Variants in CASC3 observed in about 807,000 individuals in gnomAD.
The protein encoded by CASC3 is CASC3 exon junction complex subunit, also known as protein CASC3.
A neutral mutation model predicts 80.5 loss-of-function variants in CASC3; 30 were observed. The ratio of observed to expected loss-of-function variants is 0.37; its 90% confidence interval spans 0.28 to 0.51. CASC3 has a LOEUF of 0.51. Among genes scored for constraint, CASC3 ranks in the 20% least tolerant of loss-of-function variants. The probability of loss-of-function intolerance (pLI) is 0.94; values close to 1 mark genes in which losing one functional copy is unlikely to be tolerated. For synonymous variants in CASC3, 312 were observed against 333.6 expected, an observed-to-expected ratio of 0.94 and a Z score of 0.70; for missense variants, 824 against 922.2, an observed-to-expected ratio of 0.89 and a Z score of 1.38.
chr17:40,163,002 C>A, intron 6 of CASC3, 101 bp downstream of exon 6: 1 of 1,000,990 alleles, frequency 1.0e-6, no homozygotes, highest in Non-Finnish European at 1.5e-6. Context: ...AGGAGGATTG[C>A]TTGAGGCCAG....
chr17:40,160,643 G>C (rs555158704), intron 3 of CASC3, among the ~76,000 whole-genome samples: 1 of 151,388 alleles, frequency 6.6e-6, no homozygotes, highest in Non-Finnish European at 1.5e-5. Flanking sequence ...TTGTTTTTTT[G>C]TTTTGCTTTT....
Position 40,163,642 on chromosome 17 carries a change from C to A in CASC3, c.947C>A (p.Ser316Tyr), listed in dbSNP as rs1410184439. The change falls in exon 7 of 14, where the codon TCT (serine) becomes TAT (tyrosine). Residue 316 changes from serine (S) to tyrosine (Y), a missense_variant. Coordinates refer to ENST00000264645, the MANE Select transcript of CASC3 (RefSeq NM_007359.5). Reference protein sequence around the residue: ...RMSAPRNYSRSGGFKEGRAGF... With the variant: ...RMSAPRNYSRYGGFKEGRAGF... ...TCTGCACCCAGGAATTATTCTCGAT[C>A]TGGGGGCTTCAAGGAAGGTCGTGCT... 1.6e-5 allele frequency: 26 copies of A among 1,614,038 alleles called. No homozygotes were observed. Among genetic ancestry groups the A allele is most frequent in the Non-Finnish European group, 1.8e-5 (21 of 1,180,026 alleles).
chr17:40,157,373 A>G (rs1989178520), intron 3 of CASC3, among the ~76,000 whole-genome samples: 1 of 149,454 alleles, frequency 6.7e-6, no homozygotes, highest in African/African-American at 2.5e-5. Context: ...AAATAAATTA[A>G]TTAATTAATT....
Position 40,170,978 on chromosome 17 carries a change from T to C in CASC3, c.*573T>C. On this transcript the variant is annotated 3_prime_UTR_variant, in exon 14 of 14. Transcript: ENST00000264645. ...ATAATGGAGAATGTATCAGCCAGCC[T>C]TCCCCACCAAGTCTAAAAAGACCTG... The C allele has an allele frequency of 1.0e-6, 1 of 985,532 alleles. No homozygotes were observed. Among genetic ancestry groups the C allele is most frequent in the Non-Finnish European group, 1.2e-6 (1 of 829,926 alleles). 61.0% of individuals were successfully genotyped at this position (985,532 alleles called of 1,614,324 possible).
chr17:40,140,784 G>C lies in CASC3; in HGVS notation c.231+5G>C. On this transcript the variant is annotated splice_donor_5th_base_variant and intron_variant, in intron 1 of 13. Coordinates refer to ENST00000264645, the MANE Select transcript of CASC3 (RefSeq NM_007359.5). The stretch of plus-strand genomic sequence containing the variant: ...AGTGCTGAGGAGTCGGAGTGTGTGA[G>C]TGCGCGCAGGCGGGGCGGGGTGGGG... 6.9e-7 allele frequency: 1 copy of C among 1,449,692 alleles called. No individual in the cohort carries two copies. Among genetic ancestry groups the C allele is most frequent in the Non-Finnish European group, 9.1e-7 (1 of 1,103,608 alleles). 89.8% of individuals were successfully genotyped at this position (1,449,692 alleles called of 1,614,324 possible).
At chr17:40,154,701 G>C (rs1278413656) in intron 3 of CASC3, among the ~76,000 whole-genome samples, 1 of 152,134 alleles carries the variant, frequency 6.6e-6, no homozygotes, top group Admixed American at 6.6e-5. Context: ...ATGAAGCCTG[G>C]TTTATGTTTT....
rs1988688592 is a variant in CASC3, at chr17:40,140,753, G to A, written c.205G>A (p.Ala69Thr). The change falls in exon 1 of 14, where the codon GCC becomes ACC. Residue 69 changes from alanine (A) to threonine (T), a missense_variant. This residue lies in a region of CASC3 where 159 missense variants were observed against 122.2 expected (regional missense o/e 1.30). Transcript: ENST00000264645. ...LHLRRVESGG[A>T]KSAEESECES... ...TCTGCGGCGGGTGGAGAGCGGGGGC[G>A]CCAAGAGTGCTGAGGAGTCGGAGTG... is the stretch of plus-strand genomic sequence containing the variant. 1 of 1,283,322 alleles carries A rather than the reference G, an allele frequency of 7.8e-7. No homozygotes were observed. Among genetic ancestry groups the A allele is most frequent in the African/African-American group, 1.6e-5 (1 of 63,406 alleles). The allele number at this position is 1,283,322 out of a possible 1,614,324, so 79.5% of individuals were successfully genotyped here.
intron 3 of CASC3, among the ~76,000 whole-genome samples, chr17:40,151,774 T>A (rs575496008): frequency 2.8e-4 from 43 of 152,132 alleles, no homozygotes; most frequent in African/African-American, 1.0e-3. Flanking sequence ...GCAAATCTAC[T>A]TTCTGTCTCT....
chr17:40,165,915 A>G (rs573669582), intron 7 of CASC3, among the ~76,000 whole-genome samples: 15 of 151,764 alleles, frequency 9.9e-5, no homozygotes, highest in African/African-American at 3.4e-4. Context: ...ATAAGCACAC[A>G]TCATTACACC....
chr17:40,147,199 G>A (rs1157539879), intron 3 of CASC3, among the ~76,000 whole-genome samples: 1 of 152,208 alleles, frequency 6.6e-6, no homozygotes, highest in African/African-American at 2.4e-5. Flanking sequence ...GCTGTTTAGA[G>A]GTTGTTAGGA....
At chr17:40,170,418 G>C in intron 13 of CASC3, 29 bp from the exon 14 acceptor site, 1 of 985,534 alleles carries the variant, frequency 1.0e-6, no homozygotes, top group Non-Finnish European at 1.2e-6. Context: ...ACACTTTGGT[G>C]GTTCTTCCCT....
chr17:40,159,544 G>GTT lies in CASC3; in HGVS notation c.298-2191_298-2190dup, dbSNP rs368113645. Among the ~76,000 whole-genome samples the GTT allele has an allele frequency of 3.2e-3, 358 of 112,794 alleles. 8 individuals are homozygous for GTT. The highest frequency in any genetic ancestry group is 0.02 in the Admixed American group (211 of 10,678). The allele number at this position is 112,794 out of a possible 152,430, so 74.0% of individuals were successfully genotyped here. On this transcript the variant is annotated intron_variant, in intron 3 of 13. Coordinates refer to ENST00000264645, the MANE Select transcript of CASC3 (RefSeq NM_007359.5). ...GCACGCACGCATCAGTTCATTGTGT[G>GTT]TTTTTTTTTTTTTTTTTTTGAGACA...
At chr17:40,148,052 C>T (rs1004765399) in intron 3 of CASC3, among the ~76,000 whole-genome samples, 2 of 152,018 alleles carry the variant, frequency 1.3e-5, no homozygotes, top group African/African-American at 4.8e-5. Context: ...TGGGATTTAA[C>T]TTCTGTATTT....
chr17:40,152,980 T>G (rs1308976160), intron 3 of CASC3, among the ~76,000 whole-genome samples: 2 of 151,916 alleles, frequency 1.3e-5, no homozygotes, highest in Non-Finnish European at 2.9e-5. Context: ...TTTCACCATG[T>G]TGCCCAGGCT....
rs1434619162 is a variant in CASC3 at position 40,144,779 on chromosome 17, C to T, written c.297+3172C>T. Among the ~76,000 whole-genome samples the T allele has an allele frequency of 4.8e-5, 7 of 146,998 alleles. 1 individual carries two copies. The highest frequency in any genetic ancestry group is 4.1e-4 in the Admixed American group (6 of 14,686). ...GCAACCTCAAACTGCTGGGTTCAACCAGTCCTCCTGCCTTGACCTCCTGAA... is the reference window on the plus strand; with the variant it reads ...GCAACCTCAAACTGCTGGGTTCAACTAGTCCTCCTGCCTTGACCTCCTGAA... On this transcript the variant is annotated intron_variant, in intron 3 of 13. Transcript: ENST00000264645.
chr17:40,151,114 G>A (rs1316735691), intron 3 of CASC3, among the ~76,000 whole-genome samples: 1 of 152,074 alleles, frequency 6.6e-6, no homozygotes, highest in Non-Finnish European at 1.5e-5. Context: ...GTGCGTGCCT[G>A]TACTCAGCTA....
intron 1 of CASC3, 186 bp downstream of exon 1, chr17:40,140,965 G>A: frequency 1.6e-6 from 1 of 636,724 alleles, no homozygotes. Context: ...AAGAAGGATT[G>A]GGGGTTTCTG....
rs1210822661 is a variant in CASC3, at chr17:40,169,591, A to G, written c.2089-7A>G. 2 of 1,595,574 alleles carry G rather than the reference A, an allele frequency of 1.3e-6. No homozygotes were observed. The highest frequency in any genetic ancestry group is 2.7e-5 in the African/African-American group (2 of 73,740). ...CCTGATAACAAATTCCAACTTTGTT[A>G]TTTCAGGTTGTAAGCAGGGGTTCCA... On this transcript the variant is annotated splice_region_variant and splice_polypyrimidine_tract_variant and intron_variant, in intron 12 of 13. Transcript: ENST00000264645.
chr17:40,147,269 A>G (rs1353722673), intron 3 of CASC3, among the ~76,000 whole-genome samples: 2 of 152,188 alleles, frequency 1.3e-5, no homozygotes, highest in African/African-American at 4.8e-5. Context: ...TGGAATGGCA[A>G]GATGTGGGAC....
Sources: allele counts gnomAD v4.1 joint callset (sites outside exome capture counted in the v4.1 genomes callset), GRCh38; gene constraint gnomAD v4.1.1; regional missense constraint gnomAD v4.1.1; transcripts MANE v1.5; gene names NCBI Gene and HGNC (gene_info 2026-07-23, HGNC 2026-07-21).